ZNF292: variants seen among roughly 807,000 people sequenced by gnomAD.
ZNF292 encodes the protein 16 zinc-finger domain protein.
In ZNF292, 26 loss-of-function variants were observed where a neutral mutation model predicts 217.9. The ratio of observed to expected loss-of-function variants is 0.12; its 90% CI spans 0.09 to 0.17. The LOEUF is 0.17. Among genes scored for constraint, ZNF292 ranks in the 10% least tolerant of loss-of-function variants. The pLI is 1.00. For missense variants in ZNF292, 2,904 were observed against 3,175.2 expected, an observed-to-expected ratio of 0.91 and a Z score of 2.05; for synonymous variants, 1,257 against 1,124.1, an observed-to-expected ratio of 1.12 and a Z score of -2.37.
chr6:87,211,203 A>G (rs770909497), intron 1 of ZNF292, among the ~76,000 whole-genome samples: 4 of 152,160 alleles, frequency 2.6e-5, no homozygotes, highest in African/African-American at 7.2e-5. Flanking sequence ...CAGGAGGCCA[A>G]CTTGTTCTGT....
At chr6:87,218,813 C>G (rs940418743) in intron 4 of ZNF292, 82 bp downstream of exon 4, 3 of 1,399,072 alleles carry the variant, frequency 2.1e-6, no homozygotes, top group Non-Finnish European at 1.9e-6. Context: ...TATAATTTAT[C>G]TCAAGATATT....
chr6:87,183,943 G>T (rs61479073), intron 1 of ZNF292, among the ~76,000 whole-genome samples: 1 of 152,148 alleles, frequency 6.6e-6, no homozygotes, highest in Non-Finnish European at 1.5e-5. Context: ...TGCCCAGAGA[G>T]CCAAGATCTC....
chr6:87,192,638 T>C (rs1771851108), intron 1 of ZNF292, among the ~76,000 whole-genome samples: 1 of 152,212 alleles, frequency 6.6e-6, no homozygotes, highest in Admixed American at 6.5e-5. Flanking sequence ...CATCCACACA[T>C]ATAGACAATG....
intron 5 of ZNF292, among the ~76,000 whole-genome samples, chr6:87,237,099 A>T (rs2127829029): frequency 6.6e-6 from 1 of 152,320 alleles, no homozygotes; most frequent in Non-Finnish European, 1.5e-5. Flanking sequence ...CTTAGAGATT[A>T]TTAGTCTTAA....
At chr6:87,235,256 A>C (rs906223939) in intron 5 of ZNF292, among the ~76,000 whole-genome samples, 3 of 152,178 alleles carry the variant, frequency 2.0e-5, no homozygotes, top group Non-Finnish European at 4.4e-5. Context: ...TTTTTAAAAA[A>C]ATCATTAGTT....
Position 87,254,793 on chromosome 6 carries a change from T to G in ZNF292, c.1164T>G (p.Ala388=). ...CTGATGATCTGGAAGTTAAACGTGC[T>G]TGTCAACTGAGTGAATTTCTTATTG... The part of the protein sequence containing the change: ...LLPDDLEVKR[A]CQLSEFLIEP... The change falls in exon 8 of 8, where the codon GCT becomes GCG. Residue 388 remains alanine, a synonymous_variant. Transcript: ENST00000369577. The G allele has an allele frequency of 6.2e-7, 1 of 1,613,964 alleles. No individual in the cohort carries two copies. The highest frequency in any genetic ancestry group is 8.5e-7 in the Non-Finnish European group (1 of 1,179,854).
intron 1 of ZNF292, among the ~76,000 whole-genome samples, chr6:87,189,777 T>C (rs539970837): frequency 6.6e-6 from 1 of 152,290 alleles, no homozygotes; most frequent in East Asian, 1.9e-4. Flanking sequence ...CACTGTAAAG[T>C]TATTCTTCAC....
chr6:87,248,012 TTAA>T (rs1182443092), intron 7 of ZNF292, among the ~76,000 whole-genome samples: 1 of 152,192 alleles, frequency 6.6e-6, no homozygotes, highest in Admixed American at 6.5e-5. Context: ...CTATTAAGTA[TTAA>T]TAAATCAGAA....
In ZNF292 at chr6:87,243,819, A is replaced by C. The variant is rs369931960; in HGVS notation, c.878+208A>C. Reference sequence around the variant, plus strand: ...ATTAAAGGCCACACAATTCCTTAGCATGCATACCAGGAATTATCTTTGGTC... The same window carrying C: ...ATTAAAGGCCACACAATTCCTTAGCCTGCATACCAGGAATTATCTTTGGTC... On this transcript the variant is annotated intron_variant, in intron 6 of 7. Transcript: ENST00000369577. Among the ~76,000 whole-genome samples, 53 of 152,338 alleles carry C rather than the reference A, an allele frequency of 3.5e-4. 2 individuals are homozygous for C. In the South Asian group the frequency reaches 9.9e-3, roughly 29 times the overall value.
At position 87,259,301 on chromosome 6, in the gene ZNF292, A is replaced by G; in HGVS notation, c.5672A>G (p.Asn1891Ser). The G allele has an allele frequency of 6.2e-7, 1 of 1,613,564 alleles. No homozygotes were observed. Among genetic ancestry groups the G allele is most frequent in the Non-Finnish European group, 8.5e-7 (1 of 1,179,640 alleles). The stretch of plus-strand genomic sequence containing the variant: ...ATTCAGCCAGTTTCTGAAATGATAA[A>G]CATTCAATTTAATGACAAAGTTAAT... ...TVIQPVSEMI[N>S]IQFNDKVNKP... Residue 1891 changes from asparagine (N) to serine (S), a missense_variant, in exon 8 of 8, where the codon AAC becomes AGC. By Grantham distance (46) the Asn-to-Ser change is conservative (BLOSUM62 1). Coordinates refer to ENST00000369577, the MANE Select transcript of ZNF292 (RefSeq NM_015021.3).
chr6:87,184,715 G>A (rs1224061134), intron 1 of ZNF292, among the ~76,000 whole-genome samples: 1 of 152,118 alleles, frequency 6.6e-6, no homozygotes, highest in Non-Finnish European at 1.5e-5. Flanking sequence ...AGACTCTGGG[G>A]TTGCTGTAGC....
chr6:87,207,087 C>T (rs1260816766), intron 1 of ZNF292, among the ~76,000 whole-genome samples: 2 of 152,228 alleles, frequency 1.3e-5, no homozygotes, highest in South Asian at 2.1e-4. Context: ...GTAGCTGGTA[C>T]ATCTTTGATT....
In ZNF292 at chr6:87,256,144, C is replaced by G. The variant is rs1298132382; in HGVS notation, c.2515C>G (p.Leu839Val). The change falls in exon 8 of 8, where the codon CTG (leucine) becomes GTG (valine). Residue 839 changes from leucine to valine, a missense_variant. Physicochemically the swap from Leu to Val is conservative, Grantham distance 32. Around this residue, in one of 15 missense-constraint regions of ZNF292, gnomAD observed 687 missense variants for 623.0 expected, o/e 1.10. Coordinates refer to ENST00000369577, the MANE Select transcript of ZNF292 (RefSeq NM_015021.3). ...TCACAGTACTCCTCCTGAAAAAGTG[C>G]TGCCTCCTGAAGCCCAACTTAATTC... ...DDHSTPPEKVLPPEAQLNSSG... is the reference protein window; with the variant it reads ...DDHSTPPEKVVPPEAQLNSSG... 1.2e-6 allele frequency: 2 copies of G among 1,613,618 alleles called. No individual in the cohort carries two copies. The highest frequency in any genetic ancestry group is 1.7e-6 in the Non-Finnish European group (2 of 1,179,812).
intron 1 of ZNF292, among the ~76,000 whole-genome samples, chr6:87,182,994 A>G (rs1374318522): frequency 2.0e-5 from 3 of 152,190 alleles, no homozygotes; most frequent in African/African-American, 7.2e-5. Context: ...ACACTCATGG[A>G]GATAGTGTTT....
At chr6:87,250,859 G>A (rs1294295371) in intron 7 of ZNF292, among the ~76,000 whole-genome samples, 2 of 152,178 alleles carry the variant, frequency 1.3e-5, no homozygotes, top group African/African-American at 4.8e-5. Context: ...TGCCTTTAAG[G>A]ATTTTGTAGT....
At chr6:87,228,219 C>T (rs548801999) in intron 4 of ZNF292, among the ~76,000 whole-genome samples, 4 of 152,020 alleles carry the variant, frequency 2.6e-5, no homozygotes, top group African/African-American at 7.2e-5. Flanking sequence ...GTTGGCCATT[C>T]GTATGTTATC....
chr6:87,206,394 C>G (rs750313601), intron 1 of ZNF292, among the ~76,000 whole-genome samples: 2 of 151,602 alleles, frequency 1.3e-5, no homozygotes, highest in Non-Finnish European at 1.5e-5. Context: ...CCATGAATAC[C>G]CACATAGCTT....
At chr6:87,192,315 A>C (rs1317260069) in intron 1 of ZNF292, among the ~76,000 whole-genome samples, 1 of 151,926 alleles carries the variant, frequency 6.6e-6, no homozygotes, top group African/African-American at 2.4e-5. Context: ...CAATTCTGTT[A>C]CTTTAAAAAG....
rs139326031 is a variant in ZNF292, at chr6:87,166,982, G to C, written c.168+11223G>C. Among the ~76,000 whole-genome samples the C allele has an allele frequency of 9.5e-3, 1,439 of 152,184 alleles. 20 individuals are homozygous for C. The highest frequency in any genetic ancestry group is 0.033 in the African/African-American group (1,353 of 41,530). ...AGAGTTAGGATATGGTTAGAATCCA[G>C]GTTCAAATTAAGTATATTTTGCTGC... is the stretch of plus-strand genomic sequence containing the variant. On this transcript the variant is annotated intron_variant, in intron 1 of 7. Transcript: ENST00000369577.
Sources: allele counts gnomAD v4.1 joint callset (sites outside exome capture counted in the v4.1 genomes callset), GRCh38; gene constraint gnomAD v4.1.1; regional missense constraint gnomAD v4.1.1; transcripts MANE v1.5; gene names NCBI Gene and HGNC (gene_info 2026-07-23, HGNC 2026-07-21).